The following VPS13B variants were observed in gnomAD, a reference collection of about 807,000 sequenced individuals.
VPS13B encodes the protein intermembrane lipid transfer protein VPS13B.
A neutral mutation model predicts 426.4 loss-of-function variants in VPS13B; 285 were observed. The observed-to-expected ratio is 0.67, with a 90% CI of 0.61 to 0.74. The LOEUF (loss-of-function observed/expected upper bound fraction) is 0.74, where lower values mean the gene tolerates loss of function less well. Among genes scored for constraint, VPS13B ranks in the 30% least tolerant of loss-of-function variants. The pLI, the probability that VPS13B is intolerant of heterozygous loss-of-function variation, is 0.00. For synonymous variants in VPS13B, 1,676 were observed against 1,676.4 expected, an observed-to-expected ratio of 1.00 and a Z score of 0.01; for missense variants, 4,537 against 4,782.6, an observed-to-expected ratio of 0.95 and a Z score of 1.51.
At chr8:99,671,563 T>A (rs776184189) in intron 35 of VPS13B, among the ~76,000 whole-genome samples, 3 of 152,170 alleles carry the variant, frequency 2.0e-5, no homozygotes, top group Non-Finnish European at 4.4e-5. Flanking sequence ...ATCATAGAGC[T>A]TTTCCCCTGT....
intron 33 of VPS13B, among the ~76,000 whole-genome samples, chr8:99,612,984 G>T (rs1157844384): frequency 6.6e-6 from 1 of 152,066 alleles, no homozygotes; most frequent in Admixed American, 6.6e-5. Flanking sequence ...AAGCTTAAAT[G>T]ATCATTTGTA....
rs549752533 is a variant in VPS13B, at chr8:99,537,418, G to A, written c.4745+16408G>A. ...ATAGTTAAATCTATAACATTTATAG[G>A]TGAATTTGCCTGATTCTATATCATA... is the stretch of plus-strand genomic sequence containing the variant. On this transcript the variant is annotated intron_variant, in intron 30 of 61. Coordinates refer to ENST00000357162, the MANE Select transcript of VPS13B (RefSeq NM_152564.5). Among the ~76,000 whole-genome samples, 3 of 152,084 alleles carry A rather than the reference G, an allele frequency of 2.0e-5. No individual in the cohort carries two copies. The East Asian group carries it at 5.8e-4, about 29-fold the overall frequency.
At chr8:99,836,743 C>T (rs1183640234) in intron 54 of VPS13B, among the ~76,000 whole-genome samples, 1 of 152,170 alleles carries the variant, frequency 6.6e-6, no homozygotes, top group Non-Finnish European at 1.5e-5. Flanking sequence ...GTTACAAATG[C>T]ATTTACGGTA....
At chr8:99,307,680 G>T (rs534649715) in intron 19 of VPS13B, among the ~76,000 whole-genome samples, 1 of 151,920 alleles carries the variant, frequency 6.6e-6, no homozygotes, top group East Asian at 1.9e-4. Context: ...ACAAGCAACC[G>T]ACCATCGATT....
intron 54 of VPS13B, among the ~76,000 whole-genome samples, chr8:99,842,122 A>G (rs1199551015): frequency 1.3e-5 from 2 of 152,234 alleles, no homozygotes; most frequent in Non-Finnish European, 2.9e-5. Context: ...AACCACATAT[A>G]TAGAGATATC....
chr8:99,088,755 G>T (rs1563532765), intron 3 of VPS13B, among the ~76,000 whole-genome samples: 1 of 152,128 alleles, frequency 6.6e-6, no homozygotes, highest in African/African-American at 2.4e-5. Flanking sequence ...ATAGAATAAA[G>T]TTTAAATTTC....
chr8:99,151,316 A>G (rs1378040116), intron 14 of VPS13B, among the ~76,000 whole-genome samples: 2 of 152,096 alleles, frequency 1.3e-5, no homozygotes, highest in Non-Finnish European at 2.9e-5. Flanking sequence ...TTTTCCCCCA[A>G]TCTGTGGCTT....
At chr8:99,739,705 C>T (rs979313301) in intron 39 of VPS13B, among the ~76,000 whole-genome samples, 48 of 152,336 alleles carry the variant, frequency 3.2e-4, no homozygotes, top group African/African-American at 1.1e-3. Flanking sequence ...GATACCCAGG[C>T]AAACAGGGTC....
intron 17 of VPS13B, among the ~76,000 whole-genome samples, chr8:99,249,370 G>A (rs1428300388): frequency 6.7e-6 from 1 of 149,700 alleles, no homozygotes; most frequent in Non-Finnish European, 1.5e-5. Context: ...ATGCATTTTC[G>A]TTTCTCTGGG....
intron 20 of VPS13B, among the ~76,000 whole-genome samples, chr8:99,390,498 T>C (rs556968984): frequency 6.6e-6 from 1 of 152,212 alleles, no homozygotes; most frequent in Non-Finnish European, 1.5e-5. Context: ...TTTTATTACA[T>C]AGTTATATAA....
intron 59 of VPS13B, among the ~76,000 whole-genome samples, chr8:99,870,148 G>A (rs1430294422): frequency 6.6e-6 from 1 of 152,118 alleles, no homozygotes; most frequent in Non-Finnish European, 1.5e-5. Flanking sequence ...AGATACAGAA[G>A]TATTAAGGAA....
chr8:99,537,063 G>A (rs1823284440), intron 30 of VPS13B, among the ~76,000 whole-genome samples: 2 of 152,024 alleles, frequency 1.3e-5, no homozygotes, highest in Admixed American at 6.6e-5. Context: ...AATCAAATAT[G>A]TTTTGATTTT....
At chr8:99,588,999 T>C (rs1412126654) in intron 33 of VPS13B, among the ~76,000 whole-genome samples, 2 of 151,818 alleles carry the variant, frequency 1.3e-5, no homozygotes, top group African/African-American at 2.4e-5. Flanking sequence ...TGAGAGTGTT[T>C]AGCATGAAGG....
Position 99,600,503 on chromosome 8 carries a change from G to A in VPS13B, c.5220+22870G>A, listed in dbSNP as rs1414071834. The stretch of plus-strand genomic sequence containing the variant: ...AATTTGCATTTTATTGAATTGCAAT[G>A]GTAAGCCATTGAAGAGTCAAAAACA... On this transcript the variant is annotated intron_variant, in intron 33 of 61. Coordinates refer to ENST00000357162, the MANE Select transcript of VPS13B (RefSeq NM_152564.5). 1.3e-5 allele frequency among the ~76,000 whole-genome samples: 2 copies of A among 152,138 alleles called. 1 individual carries two copies. The highest frequency in any genetic ancestry group is 2.9e-5 in the Non-Finnish European group (2 of 68,014).
chr8:99,353,867 C>T (rs1429828598), intron 19 of VPS13B, among the ~76,000 whole-genome samples: 1 of 152,074 alleles, frequency 6.6e-6, no homozygotes, highest in Non-Finnish European at 1.5e-5. Flanking sequence ...TCGAAGACTA[C>T]ACTGTATTAT....
At chr8:99,134,972 T>G (rs1458727887) in intron 9 of VPS13B, 43 bp from the exon 10 acceptor site, 1 of 1,610,894 alleles carries the variant, frequency 6.2e-7, no homozygotes, top group African/African-American at 1.3e-5. Context: ...AACATTTTTA[T>G]TAAATTCAAT....
intron 14 of VPS13B, among the ~76,000 whole-genome samples, chr8:99,149,001 T>TCTTTTAG (rs1810907507): frequency 1.3e-5 from 2 of 152,230 alleles, no homozygotes; most frequent in African/African-American, 4.8e-5. Flanking sequence ...TAGCAGCTCC[T>TCTTTTAG]CACAAGACCA....
intron 43 of VPS13B, among the ~76,000 whole-genome samples, chr8:99,801,489 A>G (rs1234981764): frequency 6.6e-6 from 1 of 152,188 alleles, no homozygotes; most frequent in Non-Finnish European, 1.5e-5. Flanking sequence ...TTGTGCAGAA[A>G]GAACTACTCC....
chr8:99,164,812 C>T (rs1484133716), intron 15 of VPS13B, among the ~76,000 whole-genome samples: 1 of 152,090 alleles, frequency 6.6e-6, no homozygotes, highest in African/African-American at 2.4e-5. Flanking sequence ...CTGACTCCCT[C>T]TTTGATTTTC....
Sources: allele counts gnomAD v4.1 joint callset (sites outside exome capture counted in the v4.1 genomes callset), GRCh38; gene constraint gnomAD v4.1.1; transcripts MANE v1.5; gene names NCBI Gene and HGNC (gene_info 2026-07-23, HGNC 2026-07-21).